SNX29: variants seen among roughly 807,000 people sequenced by gnomAD.
SNX29 encodes sorting nexin-29.
SNX29 carries 78 observed loss-of-function variants against 102.1 expected under a neutral mutation model. That is an observed-to-expected ratio of 0.76 (90% CI 0.64 to 0.92). The LOEUF (loss-of-function observed/expected upper bound fraction) is 0.92. SNX29 is among the 40% of genes least tolerant of loss of function. SNX29 has a pLI of 0.00. For missense variants in SNX29, 1,280 were observed against 1,061.7 expected (o/e 1.21, Z -2.86); for synonymous variants, 580 against 414.5 (o/e 1.40, Z -4.85).
At chr16:12,348,097 A>G (rs1217587349) in intron 15 of SNX29, among the ~76,000 whole-genome samples, 1 of 152,088 alleles carries the variant, frequency 6.6e-6, no homozygotes, top group East Asian at 1.9e-4. Flanking sequence ...AAATTAAAAA[A>G]ATAGGGTACC....
rs373064558 is a variant in SNX29, at chr16:12,524,855, C to T, written c.2318+14C>T. ...GCCCTTCTTCGTGTAAGTACTGCTC[C>T]CACGGACATGGGCCGCCAGCCCTGC... On this transcript the variant is annotated intron_variant, in intron 20 of 20. Transcript: ENST00000566228. 3.7e-6 allele frequency: 6 copies of T among 1,607,136 alleles called. No homozygotes were observed. The highest frequency in any genetic ancestry group is 1.7e-5 in the Admixed American group (1 of 59,130).
At chr16:11,987,169 ATCCT>A (rs1167900378) in intron 1 of SNX29, among the ~76,000 whole-genome samples, 1 of 150,438 alleles carries the variant, frequency 6.6e-6, no homozygotes, top group African/African-American at 2.4e-5. Flanking sequence ...GGCTCAAGTG[ATCCT>A]TCCTCCTCAG....
chr16:12,176,983 T>A (rs2076274730), intron 13 of SNX29, among the ~76,000 whole-genome samples: 1 of 152,158 alleles, frequency 6.6e-6, no homozygotes, highest in Admixed American at 6.5e-5. Flanking sequence ...AGTCTCAATT[T>A]GTCATCCAGG....
At chr16:12,553,172 C>A (rs746926020) in intron 20 of SNX29, among the ~76,000 whole-genome samples, 7 of 152,144 alleles carry the variant, frequency 4.6e-5, no homozygotes, top group African/African-American at 1.4e-4. Flanking sequence ...ATTTTTGGAT[C>A]TTTAAGTCAG....
rs112802029 is a variant in SNX29, at chr16:12,343,603, T to G, written c.1783-12560T>G. 3.7e-3 allele frequency among the ~76,000 whole-genome samples: 564 copies of G among 152,232 alleles called. 4 individuals are homozygous for G. Among genetic ancestry groups the G allele is most frequent in the African/African-American group, 0.013 (543 of 41,542 alleles). On this transcript the variant is annotated intron_variant, in intron 15 of 20. Transcript: ENST00000566228. ...TATCACAAGCCCTAGGACGGGTAGC[T>G]GCCTCCCCTTCCTGTTCCCAGGGAC...
At chr16:12,062,421 T>TAA (rs1180123265) in intron 9 of SNX29, among the ~76,000 whole-genome samples, 3 of 151,066 alleles carry the variant, frequency 2.0e-5, no homozygotes, top group African/African-American at 4.9e-5. Flanking sequence ...AATAAATAAA[T>TAA]ATGTCTCTGG....
intron 20 of SNX29, among the ~76,000 whole-genome samples, chr16:12,556,885 G>T (rs549014724): frequency 5.3e-5 from 8 of 151,696 alleles, no homozygotes; most frequent in Non-Finnish European, 8.8e-5. Flanking sequence ...TAGGGTCTCC[G>T]TCTGTCTCCT....
intron 9 of SNX29, among the ~76,000 whole-genome samples, chr16:12,066,575 G>A (rs757982191): frequency 1.1e-4 from 17 of 152,178 alleles, no homozygotes; most frequent in Non-Finnish European, 2.4e-4. Flanking sequence ...TCTTCACGGA[G>A]GTGAGAACTG....
intron 18 of SNX29, among the ~76,000 whole-genome samples, chr16:12,447,317 A>G (rs879327651): frequency 6.6e-6 from 1 of 152,032 alleles, no homozygotes; most frequent in Admixed American, 6.6e-5. Flanking sequence ...TTTCTGTCTT[A>G]CCTTTTTCTG....
intron 19 of SNX29, among the ~76,000 whole-genome samples, chr16:12,506,066 T>C (rs1287494335): frequency 1.3e-5 from 2 of 152,212 alleles, no homozygotes; most frequent in African/African-American, 4.8e-5. Context: ...GCTCAAGTGA[T>C]TCTCATGCCT....
chr16:12,563,952 AGAC>A (rs1191759740), intron 20 of SNX29, among the ~76,000 whole-genome samples: 3 of 151,998 alleles, frequency 2.0e-5, no homozygotes, highest in Non-Finnish European at 2.9e-5. Flanking sequence ...TGTTCAAGAA[AGAC>A]GAGGAAGGGC....
intron 18 of SNX29, among the ~76,000 whole-genome samples, chr16:12,448,785 C>G (rs1010402223): frequency 3.7e-4 from 56 of 152,336 alleles, no homozygotes; most frequent in African/African-American, 1.3e-3. Flanking sequence ...TTCTCCAAGA[C>G]AACAAGCTGT....
At chr16:11,981,719 C>G (rs866290938) in intron 1 of SNX29, among the ~76,000 whole-genome samples, 1 of 151,930 alleles carries the variant, frequency 6.6e-6, no homozygotes, top group Non-Finnish European at 1.5e-5. Context: ...AGTGGAATGG[C>G]GCTAGGTAAT....
chr16:12,344,377 C>T (rs1360461108), intron 15 of SNX29, among the ~76,000 whole-genome samples: 1 of 152,134 alleles, frequency 6.6e-6, no homozygotes, highest in Non-Finnish European at 1.5e-5. Flanking sequence ...TAGGACTAAA[C>T]CTCCGTGAGC....
chr16:12,518,655 C>T (rs1247173296), intron 19 of SNX29, among the ~76,000 whole-genome samples: 10 of 152,176 alleles, frequency 6.6e-5, no homozygotes. Context: ...CTACCCCCTC[C>T]TGCACATTTA....
chr16:12,322,824 TGACCACTGTCAGGATGCGGTCACTAGGG>T (rs1567437147), intron 15 of SNX29, among the ~76,000 whole-genome samples: 2 of 129,672 alleles, frequency 1.5e-5, no homozygotes, highest in African/African-American at 2.9e-5. Context: ...GAATCACTGA[TGACCACTGTCAGGATGCGGTCACTAGGG>T]GACCACTGTC....
intron 20 of SNX29, among the ~76,000 whole-genome samples, chr16:12,540,742 G>C (rs1361638328): frequency 3.9e-5 from 6 of 152,198 alleles, no homozygotes; most frequent in Non-Finnish European, 7.3e-5. Context: ...CATCCTTGGG[G>C]CACCATTGAT....
rs370593431 is a variant in SNX29, at chr16:12,137,924, G to T, written c.1595+8166G>T. Among the ~76,000 whole-genome samples, 11 of 152,298 alleles carry T rather than the reference G, an allele frequency of 7.2e-5. No individual in the cohort carries two copies. In the South Asian group the frequency reaches 2.1e-3, roughly 29 times the overall value. ...CCAGTTCAGAACACCTGCTCTGGCG[G>T]GAAAAGCCAGTAGGCTTCATCCTGC... On this transcript the variant is annotated intron_variant, in intron 13 of 20. Transcript: ENST00000566228.
intron 15 of SNX29, among the ~76,000 whole-genome samples, chr16:12,344,306 G>C (rs2081708687): frequency 6.6e-6 from 1 of 152,206 alleles, no homozygotes; most frequent in African/African-American, 2.4e-5. Flanking sequence ...AGATTGTCCA[G>C]CATGGTGGTG....
Sources: allele counts gnomAD v4.1 joint callset (sites outside exome capture counted in the v4.1 genomes callset), GRCh38; gene constraint gnomAD v4.1.1; transcripts MANE v1.5; gene names NCBI Gene and HGNC (gene_info 2026-07-23, HGNC 2026-07-21).